Variants in HS3ST2 observed in about 807,000 individuals in gnomAD.
The protein encoded by HS3ST2 is heparan sulfate-glucosamine 3-sulfotransferase 2, also known as heparan sulfate glucosamine 3-O-sulfotransferase 2.
Under a neutral mutation model 26.3 loss-of-function variants are expected in HS3ST2, and 17 were observed. That is an observed-to-expected ratio of 0.65 (90% CI 0.44 to 0.97). The LOEUF is 0.97. HS3ST2 is among the 50% of genes least tolerant of loss of function. HS3ST2 has a pLI of 0.00. For missense variants in HS3ST2, 402 were observed against 501.2 expected (o/e 0.80, Z 1.89); for synonymous variants, 237 against 219.2 (o/e 1.08, Z -0.72).
chr16:22,897,453 G>C (rs1032044230), intron 1 of HS3ST2, among the ~76,000 whole-genome samples: 2 of 152,098 alleles, frequency 1.3e-5, no homozygotes, highest in African/African-American at 4.8e-5. Context: ...TGAGTCAGAG[G>C]CTCCCAAACT....
At chr16:22,840,981 C>T (rs1419913831) in intron 1 of HS3ST2, among the ~76,000 whole-genome samples, 2 of 132,182 alleles carry the variant, frequency 1.5e-5, no homozygotes, top group Admixed American at 1.7e-4. Context: ...CACCCCACAA[C>T]AGGCCCCAGT....
intron 1 of HS3ST2, among the ~76,000 whole-genome samples, chr16:22,841,392 C>T (rs1901354375): frequency 6.6e-6 from 1 of 152,140 alleles, no homozygotes; most frequent in Admixed American, 6.5e-5. Flanking sequence ...GCACTACCTG[C>T]ATTTCTTCCT....
intron 1 of HS3ST2, among the ~76,000 whole-genome samples, chr16:22,907,613 A>G (rs2141747153): frequency 6.6e-6 from 1 of 152,350 alleles, no homozygotes; most frequent in Non-Finnish European, 1.5e-5. Context: ...TCCTCCTTTC[A>G]TGATGATATT....
chr16:22,841,341 A>G (rs1019375251), intron 1 of HS3ST2, among the ~76,000 whole-genome samples: 5 of 152,116 alleles, frequency 3.3e-5, no homozygotes, highest in Admixed American at 1.3e-4. Context: ...GATTACAGGC[A>G]TGAGCCACAG....
At chr16:22,910,705 G>C (rs1359339412) in intron 1 of HS3ST2, among the ~76,000 whole-genome samples, 3 of 152,138 alleles carry the variant, frequency 2.0e-5, no homozygotes, top group Admixed American at 6.5e-5. Flanking sequence ...GGTCTACATA[G>C]ACTTTGGGCC....
At chr16:22,892,110 T>TG (rs750042131) in intron 1 of HS3ST2, among the ~76,000 whole-genome samples, 11 of 113,642 alleles carry the variant, frequency 9.7e-5, no homozygotes, top group South Asian at 2.9e-4. Flanking sequence ...CCATCTCTAC[T>TG]AAAAAAAAAA....
chr16:22,820,529 T>C (rs1032434320), intron 1 of HS3ST2, among the ~76,000 whole-genome samples: 1 of 152,212 alleles, frequency 6.6e-6, no homozygotes, highest in Non-Finnish European at 1.5e-5. Flanking sequence ...AGGCATGTTT[T>C]ACATGGCAGC....
At chr16:22,884,796 C>T (rs1902038137) in intron 1 of HS3ST2, among the ~76,000 whole-genome samples, 2 of 149,356 alleles carry the variant, frequency 1.3e-5, no homozygotes, top group South Asian at 4.3e-4. Context: ...GCGTTTCAGC[C>T]CTGAACCACT....
chr16:22,887,499 TGACCTTCACA>T (rs1902075767), intron 1 of HS3ST2, among the ~76,000 whole-genome samples: 1 of 152,220 alleles, frequency 6.6e-6, no homozygotes, highest in South Asian at 2.1e-4. Context: ...CCCAAAGACC[TGACCTTCACA>T]TATCATCACC....
rs915739307 is a variant in HS3ST2, at chr16:22,815,230, G to C, written c.485+135G>C. 1.1e-5 allele frequency: 13 copies of C among 1,183,852 alleles called. No individual in the cohort carries two copies. In the African/African-American group the frequency reaches 1.6e-4, roughly 15 times the overall value. The allele number at this position is 1,183,852 out of a possible 1,614,324, so 73.3% of individuals were successfully genotyped here. ...TTCAGGCTGACACACAGGGCCATGG[G>C]GGGCTATAGCAGAATTTACCCAGAA... On this transcript the variant is annotated intron_variant, in intron 1 of 1. Coordinates refer to ENST00000261374, the MANE Select transcript of HS3ST2 (RefSeq NM_006043.2).
At chr16:22,879,398 G>A (rs1305078362) in intron 1 of HS3ST2, among the ~76,000 whole-genome samples, 2 of 152,182 alleles carry the variant, frequency 1.3e-5, no homozygotes, top group African/African-American at 4.8e-5. Context: ...GGCTCTCCAG[G>A]GGAAGGTAAC....
chr16:22,900,888 G>A (rs1003294268), intron 1 of HS3ST2, among the ~76,000 whole-genome samples: 1 of 152,108 alleles, frequency 6.6e-6, no homozygotes, highest in African/African-American at 2.4e-5. Context: ...GTGAGGTGAG[G>A]AAATGAAGCC....
chr16:22,869,692 G>A (rs765683292), intron 1 of HS3ST2, among the ~76,000 whole-genome samples: 74 of 152,162 alleles, frequency 4.9e-4, no homozygotes, highest in Admixed American at 4.1e-3. Context: ...GGAAAGACCC[G>A]CCGCCATAAT....
At chr16:22,877,204 C>T (rs1459100221) in intron 1 of HS3ST2, among the ~76,000 whole-genome samples, 1 of 152,160 alleles carries the variant, frequency 6.6e-6, no homozygotes, top group Non-Finnish European at 1.5e-5. Context: ...GTCACAAGAG[C>T]CTGCTGGGTT....
chr16:22,833,353 A>G (rs1901204020), intron 1 of HS3ST2: 1 of 455,350 alleles, frequency 2.2e-6, no homozygotes, highest in Non-Finnish European at 4.4e-6. Flanking sequence ...ACTGGAGACA[A>G]GAATGTGTGT....
At chr16:22,885,469 T>C (rs1442997843) in intron 1 of HS3ST2, among the ~76,000 whole-genome samples, 2 of 151,824 alleles carry the variant, frequency 1.3e-5, no homozygotes, top group Non-Finnish European at 1.5e-5. Flanking sequence ...TTTGTTTTTT[T>C]TTTTGAGACA....
chr16:22,838,620 T>C (rs209456), intron 1 of HS3ST2, among the ~76,000 whole-genome samples: 57,610 of 151,902 alleles, frequency 0.38, 11,565 homozygotes, highest in African/African-American at 0.51. Flanking sequence ...GAAACTCAAC[T>C]GCGGAAGCTT....
At chr16:22,884,662 AT>A (rs1567496445) in intron 1 of HS3ST2, among the ~76,000 whole-genome samples, 23 of 135,486 alleles carry the variant, frequency 1.7e-4, no homozygotes, top group African/African-American at 5.2e-4. Context: ...AGAAAAAAAT[AT>A]ATATATATAT....
At chr16:22,892,056 C>T (rs1364485490) in intron 1 of HS3ST2, among the ~76,000 whole-genome samples, 4 of 146,662 alleles carry the variant, frequency 2.7e-5, no homozygotes, top group Non-Finnish European at 5.9e-5. Context: ...AGGTGGATCA[C>T]GAGGTCAGGA....
Sources: allele counts gnomAD v4.1 joint callset (sites outside exome capture counted in the v4.1 genomes callset), GRCh38; gene constraint gnomAD v4.1.1; transcripts MANE v1.5; gene names NCBI Gene and HGNC (gene_info 2026-07-23, HGNC 2026-07-21).